Variants in FAM3B observed in about 807,000 individuals in gnomAD.
The protein encoded by FAM3B is FAM3 metabolism regulating signaling molecule B.
FAM3B carries 29 observed loss-of-function variants against 28.4 expected under a neutral mutation model. That is an observed-to-expected ratio of 1.02 (90% confidence interval 0.76 to 1.39). The LOEUF (loss-of-function observed/expected upper bound fraction) is 1.39. FAM3B is among the 40% of genes most tolerant of loss of function. FAM3B has a pLI of 0.00. For synonymous variants in FAM3B, 91 were observed against 103.0 expected, an observed-to-expected ratio of 0.88 and a Z score of 0.71; for missense variants, 266 against 293.9, an observed-to-expected ratio of 0.91 and a Z score of 0.69.
intron 1 of FAM3B, among the ~76,000 whole-genome samples, chr21:41,307,211 G>A (rs183017966): frequency 4.8e-4 from 73 of 152,272 alleles, no homozygotes; most frequent in Non-Finnish European, 7.5e-4. Context: ...TTTGTGTTAC[G>A]GAGATGGCTT....
chr21:41,322,529 G>A (rs552874950), intron 1 of FAM3B: 3 of 706,524 alleles, frequency 4.2e-6, no homozygotes, highest in South Asian at 3.0e-5. Flanking sequence ...GTAATTGCAG[G>A]AGCGTGCTCA....
At chr21:41,311,236 C>CAA (rs71848321) in intron 1 of FAM3B, among the ~76,000 whole-genome samples, 674 of 23,432 alleles carry the variant, frequency 0.029, 81 homozygotes, top group Middle Eastern at 0.068. Flanking sequence ...CCTGTCTCTA[C>CAA]AAAAAAAAAA....
At chr21:41,336,327 G>C (rs1035470247) in intron 2 of FAM3B, among the ~76,000 whole-genome samples, 25 of 152,296 alleles carry the variant, frequency 1.6e-4, no homozygotes, top group African/African-American at 6.0e-4. Flanking sequence ...TTCAAGACCA[G>C]CTTGGCCCAC....
At chr21:41,306,100 C>G (rs1407862344) in intron 1 of FAM3B, among the ~76,000 whole-genome samples, 1 of 152,240 alleles carries the variant, frequency 6.6e-6, no homozygotes, top group Non-Finnish European at 1.5e-5. Flanking sequence ...CCACCCATTT[C>G]ACTCAATCAT....
upstream of FAM3B, among the ~76,000 whole-genome samples, chr21:41,312,251 C>T (rs1417221045): frequency 6.6e-6 from 1 of 152,166 alleles, no homozygotes; most frequent in Non-Finnish European, 1.5e-5. Flanking sequence ...CTATCTGGCA[C>T]TTTGAATGAA....
chr21:41,317,938 T>C (rs955539653), intron 1 of FAM3B, among the ~76,000 whole-genome samples: 3 of 152,188 alleles, frequency 2.0e-5, no homozygotes, highest in African/African-American at 2.4e-5. Flanking sequence ...CTTGTGTGGA[T>C]TGTAGGAGAG....
At chr21:41,314,275 A>T (rs964795684), upstream of FAM3B, among the ~76,000 whole-genome samples, 4 of 152,248 alleles carry the variant, frequency 2.6e-5, no homozygotes, top group Non-Finnish European at 1.5e-5. Context: ...ATCAGCCAGT[A>T]CCTTGACCTT....
chr21:41,352,383 G>A lies in FAM3B; in HGVS notation c.618+3659G>A, dbSNP rs772173855. Among the ~76,000 whole-genome samples the A allele has an allele frequency of 9.3e-5, 14 of 151,168 alleles. 1 individual carries two copies. Among genetic ancestry groups the A allele is most frequent in the East Asian group, 2.0e-4 (1 of 5,054 alleles). On this transcript the variant is annotated intron_variant, in intron 7 of 7. Coordinates refer to ENST00000357985, the MANE Select transcript of FAM3B (RefSeq NM_058186.4). The stretch of plus-strand genomic sequence containing the variant: ...CTCTCTGGCCCTGCCACTGCTGCCC[G>A]TAATGCCCATGGCATTTTGTACCTT...
intron 4 of FAM3B, among the ~76,000 whole-genome samples, chr21:41,345,430 G>T (rs2089048228): frequency 1.3e-5 from 2 of 152,210 alleles, no homozygotes; most frequent in South Asian, 4.1e-4. Flanking sequence ...GGTGGGGGAG[G>T]TATTAGTGTT....
chr21:41,317,306 C>T lies in FAM3B; in HGVS notation c.19+408C>T, dbSNP rs747096519. Among the ~76,000 whole-genome samples, 12 of 151,382 alleles carry T rather than the reference C, an allele frequency of 7.9e-5. 1 individual carries two copies. Among genetic ancestry groups the T allele is most frequent in the Admixed American group, 2.6e-4 (4 of 15,188 alleles). On this transcript the variant is annotated intron_variant, in intron 1 of 7. Transcript: ENST00000357985. ...TCTCCTTCCGGGGAAGGGTACGCGC[C>T]TGCCCCTGCCCCTGACCTTGCACGC...
rs1859297 is a variant in FAM3B at position 41,344,621 on chromosome 21, G to A, written c.346+87G>A. The A allele has an allele frequency of 0.076, 77,403 of 1,015,422 alleles. 7,099 individuals are homozygous for A. The highest frequency in any genetic ancestry group is 0.4 in the African/African-American group (25,073 of 62,336). 62.9% of individuals were successfully genotyped at this position (1,015,422 alleles called of 1,614,324 possible). ...TACCTTGGGTTTTCGAGACTTTTGCGCGTGATTTAGTCTAGGTTTGTATTT... is the reference window on the plus strand; with the variant it reads ...TACCTTGGGTTTTCGAGACTTTTGCACGTGATTTAGTCTAGGTTTGTATTT... On this transcript the variant is annotated intron_variant, in intron 4 of 7. Transcript: ENST00000357985.
intron 2 of FAM3B, among the ~76,000 whole-genome samples, chr21:41,330,938 A>G (rs1166737338): frequency 6.6e-6 from 1 of 152,226 alleles, no homozygotes; most frequent in Non-Finnish European, 1.5e-5. Context: ...TACTGATTTC[A>G]TATCCTTTGG....
intron 6 of FAM3B, 105 bp downstream of exon 6, chr21:41,347,205 AG>A: frequency 1.1e-6 from 1 of 895,302 alleles, no homozygotes; most frequent in Admixed American, 1.7e-5. Flanking sequence ...CAGAAAGTCC[AG>A]GAGCAAAGTA....
At chr21:41,328,733 G>GT (rs1373386118) in intron 2 of FAM3B, among the ~76,000 whole-genome samples, 12 of 152,344 alleles carry the variant, frequency 7.9e-5, no homozygotes, top group African/African-American at 2.9e-4. Flanking sequence ...GGGCTAGGTG[G>GT]TATTGGGGTG....
At chr21:41,355,178 C>T (rs932511322) in intron 7 of FAM3B, among the ~76,000 whole-genome samples, 1 of 152,134 alleles carries the variant, frequency 6.6e-6, no homozygotes, top group East Asian at 1.9e-4. Context: ...AGAAGAAGTG[C>T]TGGTGAGAAT....
At chr21:41,318,416 C>T (rs529035411) in intron 1 of FAM3B, among the ~76,000 whole-genome samples, 29 of 152,266 alleles carry the variant, frequency 1.9e-4, no homozygotes, top group African/African-American at 6.3e-4. Flanking sequence ...TAGTGGGTAT[C>T]GTAATACCTT....
At chr21:41,329,361 G>C (rs561102431) in intron 2 of FAM3B, among the ~76,000 whole-genome samples, 1 of 152,118 alleles carries the variant, frequency 6.6e-6, no homozygotes, top group Admixed American at 6.5e-5. Flanking sequence ...CACGGGGGAC[G>C]TGAATCCTCC....
At chr21:41,329,661 C>G (rs752764921) in intron 2 of FAM3B, among the ~76,000 whole-genome samples, 1 of 152,060 alleles carries the variant, frequency 6.6e-6, no homozygotes, top group Non-Finnish European at 1.5e-5. Flanking sequence ...TCTCCGCCTC[C>G]TGGGTTCAAG....
intron 1 of FAM3B, among the ~76,000 whole-genome samples, chr21:41,305,838 C>T (rs989665958): frequency 5.3e-5 from 8 of 152,136 alleles, no homozygotes; most frequent in African/African-American, 1.7e-4. Flanking sequence ...AAGATTAGAG[C>T]GGCTGTGGCA....
Sources: allele counts gnomAD v4.1 joint callset (sites outside exome capture counted in the v4.1 genomes callset), GRCh38; gene constraint gnomAD v4.1.1; transcripts MANE v1.5; gene names NCBI Gene and HGNC (gene_info 2026-07-23, HGNC 2026-07-21).